LRMDA: variants seen among roughly 807,000 people sequenced by gnomAD.
The protein encoded by LRMDA is leucine rich melanocyte differentiation associated, also known as leucine-rich melanocyte differentiation-associated protein.
A neutral mutation model predicts 29.8 loss-of-function variants in LRMDA; 18 were observed. The ratio of observed to expected loss-of-function variants is 0.60; its 90% CI spans 0.42 to 0.90. The LOEUF (loss-of-function observed/expected upper bound fraction) is 0.90, where lower values mean the gene tolerates loss of function less well. LRMDA is among the 40% of genes least tolerant of loss of function. The probability of loss-of-function intolerance (pLI) is 0.00; values close to 1 mark genes in which losing one functional copy is unlikely to be tolerated. For missense variants in LRMDA, 273 were observed against 273.9 expected, an observed-to-expected ratio of 1.00 and a Z score of 0.02; for synonymous variants, 125 against 109.4, an observed-to-expected ratio of 1.14 and a Z score of -0.89.
chr10:75,437,327 G>GTC (rs377310242), intron 1 of LRMDA, among the ~76,000 whole-genome samples: 27 of 151,896 alleles, frequency 1.8e-4, no homozygotes, highest in African/African-American at 5.1e-4. Context: ...CTCCTGGGGA[G>GTC]TCTCTCTCTC....
chr10:76,142,695 A>G (rs1850227124), intron 5 of LRMDA, among the ~76,000 whole-genome samples: 2 of 148,296 alleles, frequency 1.3e-5, no homozygotes, highest in Admixed American at 1.3e-4. Context: ...TATTATTATT[A>G]TTATTATTAT....
chr10:75,656,542 G>A (rs1032996834), intron 2 of LRMDA, among the ~76,000 whole-genome samples: 2 of 152,142 alleles, frequency 1.3e-5, no homozygotes, highest in Admixed American at 1.3e-4. Context: ...GATTGAGTGA[G>A]GGAGTCTTTG....
At chr10:76,254,686 A>C (rs1852558476) in intron 5 of LRMDA, among the ~76,000 whole-genome samples, 1 of 152,100 alleles carries the variant, frequency 6.6e-6, no homozygotes, top group Non-Finnish European at 1.5e-5. Context: ...CCTGGTTTCC[A>C]AAAAGGATTT....
chr10:76,099,876 C>T (rs1849370088), intron 5 of LRMDA, among the ~76,000 whole-genome samples: 1 of 151,916 alleles, frequency 6.6e-6, no homozygotes, highest in Non-Finnish European at 1.5e-5. Context: ...GTTTTAGTGA[C>T]TGTTTTGTTT....
intron 6 of LRMDA, among the ~76,000 whole-genome samples, chr10:76,514,139 C>T (rs1056958842): frequency 3.9e-5 from 6 of 152,156 alleles, no homozygotes; most frequent in South Asian, 2.1e-4. Flanking sequence ...CCCATACTCT[C>T]GTCCCTAAAT....
chr10:75,892,651 A>T (rs1845512336), intron 2 of LRMDA, among the ~76,000 whole-genome samples: 1 of 152,128 alleles, frequency 6.6e-6, no homozygotes, highest in Non-Finnish European at 1.5e-5. Flanking sequence ...AGCAGCCGAT[A>T]ATGTATCACA....
chr10:76,147,029 T>G (rs893711011), intron 5 of LRMDA, among the ~76,000 whole-genome samples: 3 of 152,368 alleles, frequency 2.0e-5, no homozygotes, highest in Non-Finnish European at 2.9e-5. Flanking sequence ...CTCTTCTGGC[T>G]TGCAGAGTTT....
At chr10:75,572,468 C>T (rs1311005831) in intron 2 of LRMDA, among the ~76,000 whole-genome samples, 3 of 151,994 alleles carry the variant, frequency 2.0e-5, no homozygotes, top group Non-Finnish European at 4.4e-5. Context: ...AGAGAGTGCT[C>T]AATAGATATT....
At chr10:75,809,558 G>A (rs993948971) in intron 2 of LRMDA, among the ~76,000 whole-genome samples, 14 of 152,080 alleles carry the variant, frequency 9.2e-5, no homozygotes, top group African/African-American at 2.2e-4. Flanking sequence ...CAGGAGAATC[G>A]CCTTGAACCC....
At chr10:76,220,306 T>A (rs534272214) in intron 5 of LRMDA, among the ~76,000 whole-genome samples, 34 of 151,824 alleles carry the variant, frequency 2.2e-4, no homozygotes, top group African/African-American at 6.5e-4. Flanking sequence ...AAAAATACCT[T>A]CAAAAAATTA....
At chr10:75,676,621 G>T (rs945019305) in intron 2 of LRMDA, among the ~76,000 whole-genome samples, 3 of 152,120 alleles carry the variant, frequency 2.0e-5, no homozygotes, top group Non-Finnish European at 4.4e-5. Context: ...CTCTGTCTTT[G>T]GTTCGTGATG....
intron 2 of LRMDA, among the ~76,000 whole-genome samples, chr10:75,782,151 G>A (rs1266240043): frequency 6.6e-6 from 1 of 152,178 alleles, no homozygotes; most frequent in African/African-American, 2.4e-5. Flanking sequence ...TTAATCTTGA[G>A]GCTTTGTGAT....
chr10:75,555,926 A>G (rs1840207775), intron 2 of LRMDA, among the ~76,000 whole-genome samples: 1 of 152,192 alleles, frequency 6.6e-6, no homozygotes. Context: ...CAAACAAAAA[A>G]ATTCACTGGA....
chr10:76,157,915 A>G (rs8181438), intron 5 of LRMDA, among the ~76,000 whole-genome samples: 56,854 of 151,936 alleles, frequency 0.37, 10,674 homozygotes, highest in East Asian at 0.41. Context: ...AAACCTGTAC[A>G]GCATGTTCCT....
chr10:75,956,109 C>A (rs1012214793), intron 2 of LRMDA, among the ~76,000 whole-genome samples: 21 of 152,158 alleles, frequency 1.4e-4, no homozygotes, highest in African/African-American at 4.3e-4. Flanking sequence ...GGACTGCAGT[C>A]ACCTGAAGGC....
intron 5 of LRMDA, among the ~76,000 whole-genome samples, chr10:76,259,369 C>G (rs1221822563): frequency 1.3e-5 from 2 of 152,084 alleles, no homozygotes; most frequent in African/African-American, 4.8e-5. Flanking sequence ...TATATTCATA[C>G]AGTTTCCAGC....
chr10:76,427,252 A>C (rs1486440200), intron 6 of LRMDA, among the ~76,000 whole-genome samples: 5 of 151,936 alleles, frequency 3.3e-5, no homozygotes, highest in South Asian at 2.1e-4. Context: ...ATATTCTTCC[A>C]TTTGTTTGTA....
At chr10:76,185,415 T>G (rs1851130011) in intron 5 of LRMDA, among the ~76,000 whole-genome samples, 1 of 152,222 alleles carries the variant, frequency 6.6e-6, no homozygotes, top group African/African-American at 2.4e-5. Context: ...GAAATATGAA[T>G]GATAATACTT....
chr10:76,373,933 G>A lies in LRMDA; in HGVS notation c.601+49448G>A, dbSNP rs928362408. ...GAATCCTCTCTCCAAAATGCAAAAT[G>A]TCTTGGTTTTCAATAGTGGATGGCA... On this transcript the variant is annotated intron_variant, in intron 6 of 6. Transcript: ENST00000611255. Among the ~76,000 whole-genome samples the A allele has an allele frequency of 3.9e-5, 6 of 152,172 alleles. 1 individual carries two copies. The highest frequency in any genetic ancestry group is 2.0e-4 in the Admixed American group (3 of 15,266).
Sources: allele counts gnomAD v4.1 joint callset (sites outside exome capture counted in the v4.1 genomes callset), GRCh38; gene constraint gnomAD v4.1.1; transcripts MANE v1.5; gene names NCBI Gene and HGNC (gene_info 2026-07-23, HGNC 2026-07-21).